The following ATXN1 variants were observed in gnomAD, a reference collection of about 807,000 sequenced individuals.
The protein encoded by ATXN1 is ataxin 1, also known as ataxin-1.
Under a neutral mutation model 56.4 loss-of-function variants are expected in ATXN1, and 8 were observed. The observed-to-expected ratio is 0.14, with a 90% CI of 0.08 to 0.26. The LOEUF is 0.26. ATXN1 is among the 10% of genes least tolerant of loss of function. ATXN1 has a pLI of 1.00. For synonymous variants in ATXN1, 514 were observed against 494.6 expected (o/e 1.04, Z -0.52); for missense variants, 987 against 1,106.5 (o/e 0.89, Z 1.53).
intron 6 of ATXN1, among the ~76,000 whole-genome samples, chr6:16,471,191 AACACACACAC>A (rs5874560): frequency 6.1e-5 from 9 of 148,104 alleles, no homozygotes; most frequent in Middle Eastern, 3.4e-3. Context: ...TGGCAATTAA[AACACACACAC>A]ACACACACAC....
chr6:16,683,215 A>T (rs890727785), intron 2 of ATXN1, among the ~76,000 whole-genome samples: 1 of 152,244 alleles, frequency 6.6e-6, no homozygotes, highest in African/African-American at 2.4e-5. Context: ...TCCATATGTC[A>T]GTCTAGCTTA....
intron 3 of ATXN1, among the ~76,000 whole-genome samples, chr6:16,601,682 C>T (rs1762914423): frequency 6.6e-6 from 1 of 152,040 alleles, no homozygotes; most frequent in African/African-American, 2.4e-5. Flanking sequence ...AACCCCATCT[C>T]TACTAAAAAA....
chr6:16,750,816 T>C (rs573073808), intron 2 of ATXN1, among the ~76,000 whole-genome samples: 11 of 152,170 alleles, frequency 7.2e-5, no homozygotes, highest in Admixed American at 2.0e-4. Flanking sequence ...TTAAAAAAAA[T>C]GCACGTGTAC....
At chr6:16,534,820 AC>A (rs1405453172) in intron 4 of ATXN1, among the ~76,000 whole-genome samples, 1 of 152,162 alleles carries the variant, frequency 6.6e-6, no homozygotes, top group Non-Finnish European at 1.5e-5. Context: ...TCTGGAATAA[AC>A]CTTCCTAAGT....
intron 6 of ATXN1, among the ~76,000 whole-genome samples, chr6:16,393,557 A>G (rs1758397258): frequency 6.6e-6 from 1 of 152,208 alleles, no homozygotes; most frequent in Non-Finnish European, 1.5e-5. Context: ...TTAGTTTAAA[A>G]TATGTGACTC....
chr6:16,635,913 C>T (rs1001548845), intron 3 of ATXN1, among the ~76,000 whole-genome samples: 1 of 152,278 alleles, frequency 6.6e-6, no homozygotes, highest in East Asian at 1.9e-4. Flanking sequence ...CAGCACAGTC[C>T]GTGCAAGGGA....
At chr6:16,435,245 T>C (rs1294535340) in intron 6 of ATXN1, among the ~76,000 whole-genome samples, 1 of 152,022 alleles carries the variant, frequency 6.6e-6, no homozygotes, top group Non-Finnish European at 1.5e-5. Flanking sequence ...GCAGAGTAGG[T>C]AGCTGGAGAC....
intron 6 of ATXN1, among the ~76,000 whole-genome samples, chr6:16,374,965 A>G (rs1320378369): frequency 6.6e-6 from 1 of 152,222 alleles, no homozygotes; most frequent in East Asian, 1.9e-4. Flanking sequence ...ACTTTGCGGC[A>G]GCAGCTGAGC....
chr6:16,747,947 C>T (rs1760588755), intron 2 of ATXN1, among the ~76,000 whole-genome samples: 1 of 152,168 alleles, frequency 6.6e-6, no homozygotes, highest in Non-Finnish European at 1.5e-5. Flanking sequence ...GCCACACCAC[C>T]ACCTATCACA....
At chr6:16,347,117 C>A (rs981224758) in intron 6 of ATXN1, among the ~76,000 whole-genome samples, 1 of 152,230 alleles carries the variant, frequency 6.6e-6, no homozygotes, top group South Asian at 2.1e-4. Context: ...GCCTGAACCT[C>A]CCCCTGCCCC....
intron 6 of ATXN1, among the ~76,000 whole-genome samples, chr6:16,443,289 G>A (rs779565066): frequency 6.7e-6 from 1 of 149,262 alleles, no homozygotes; most frequent in African/African-American, 2.5e-5. Context: ...CCTAAAAATG[G>A]TAAAAAGGAG....
At chr6:16,409,526 G>A (rs1289757892) in intron 6 of ATXN1, among the ~76,000 whole-genome samples, 1 of 151,868 alleles carries the variant, frequency 6.6e-6, no homozygotes, top group Admixed American at 6.6e-5. Context: ...GGTGGCTCAC[G>A]CCTGTAGTCT....
rs73362674 is a variant in ATXN1, at chr6:16,305,843, T to C, written c.*486A>G. The C allele has an allele frequency of 0.046, 7,034 of 153,790 alleles. 359 individuals carry two copies. The highest frequency in any genetic ancestry group is 0.16 in the East Asian group (808 of 5,186). The allele number at this position is 153,790 out of a possible 1,614,324, so 9.5% of individuals were successfully genotyped here. On this transcript the variant is annotated 3_prime_UTR_variant, in exon 8 of 8. Coordinates refer to ENST00000436367, the MANE Select transcript of ATXN1 (RefSeq NM_001128164.2). ...CGTGGGAACCCCAGGAGGACACTGCTCTGAACCCCCCCGGCCCATGCCGAT... is the reference window on the plus strand; with the variant it reads ...CGTGGGAACCCCAGGAGGACACTGCCCTGAACCCCCCCGGCCCATGCCGAT...
At chr6:16,543,199 C>A (rs986510717) in intron 4 of ATXN1, among the ~76,000 whole-genome samples, 1 of 152,190 alleles carries the variant, frequency 6.6e-6, no homozygotes, top group Non-Finnish European at 1.5e-5. Flanking sequence ...CCCGCTCATT[C>A]CTTCCCACCG....
chr6:16,691,985 C>T (rs1017758643), intron 2 of ATXN1, among the ~76,000 whole-genome samples: 14 of 152,162 alleles, frequency 9.2e-5, no homozygotes, highest in Non-Finnish European at 1.6e-4. Flanking sequence ...TAGAATAGGC[C>T]GGGTGTGGTG....
At chr6:16,398,042 T>C (rs1217165260) in intron 6 of ATXN1, among the ~76,000 whole-genome samples, 1 of 152,248 alleles carries the variant, frequency 6.6e-6, no homozygotes, top group African/African-American at 2.4e-5. Flanking sequence ...TTCTTTAGAC[T>C]TTACCACAGG....
intron 6 of ATXN1, among the ~76,000 whole-genome samples, chr6:16,437,918 C>G (rs1029514084): frequency 3.0e-4 from 45 of 152,194 alleles, no homozygotes; most frequent in African/African-American, 1.1e-3. Context: ...GCCTTGGCTA[C>G]TATGGGTGTT....
intron 7 of ATXN1, among the ~76,000 whole-genome samples, chr6:16,317,394 G>T (rs183161856): frequency 2.9e-4 from 44 of 151,936 alleles, no homozygotes; most frequent in Non-Finnish European, 5.0e-4. Flanking sequence ...GTGCCATCTT[G>T]ATTCACGGTA....
At chr6:16,480,506 A>G (rs1432403907) in intron 6 of ATXN1, among the ~76,000 whole-genome samples, 1 of 152,098 alleles carries the variant, frequency 6.6e-6, no homozygotes, top group Non-Finnish European at 1.5e-5. Context: ...TCCGCCACCA[A>G]GTACATCCTT....
Sources: gnomAD v4.1 joint callset for allele counts (sites outside exome capture counted in the v4.1 genomes callset) on GRCh38, gnomAD v4.1.1 for gene constraint, MANE v1.5 for transcripts, NCBI Gene and HGNC (gene_info 2026-07-23, HGNC 2026-07-21) for gene names.